Variants in LRRC9 observed in about 807,000 individuals in gnomAD.
The protein encoded by LRRC9 is leucine-rich repeat-containing protein 9.
In LRRC9, 122 loss-of-function variants were observed where a neutral mutation model predicts 63.2. The observed-to-expected ratio is 1.93, with a 90% CI of 1.67 to 2.24. The LOEUF is 2.24. LRRC9 is among the 30% of genes most tolerant of loss of function. LRRC9 has a pLI of 0.00. For missense variants in LRRC9, 1,071 were observed against 627.7 expected, an observed-to-expected ratio of 1.71 and a Z score of -7.55; for synonymous variants, 366 against 213.1, an observed-to-expected ratio of 1.72 and a Z score of -6.25.
In LRRC9 at chr14:59,999,100, G is replaced by A. The variant is rs981761208; in HGVS notation, c.2404-1G>A. 16 of 650,868 alleles carry A rather than the reference G, an allele frequency of 2.5e-5. No individual in the cohort carries two copies. The African/African-American group carries it at 2.8e-4, about 11-fold the overall frequency. The allele number at this position is 650,868 out of a possible 1,614,324, so 40.3% of individuals were successfully genotyped here. On this transcript the variant is annotated splice_acceptor_variant, in intron 18 of 31. Transcript: ENST00000445360. LOFTEE classifies it high-confidence loss of function. ...AAAATTTTTTTTTTGTTTTTCCCAA[G>A]CCAGCCACATTGAGGCTGAGTGTTA...
At chr14:59,937,976 G>C (rs1472301304) in intron 6 of LRRC9, among the ~76,000 whole-genome samples, 3 of 152,140 alleles carry the variant, frequency 2.0e-5, no homozygotes, top group Admixed American at 6.6e-5. Context: ...AGATCTGGAG[G>C]CAGCGAGGAT....
chr14:60,046,393 T>C (rs1158603840), intron 29 of LRRC9, among the ~76,000 whole-genome samples: 1 of 152,226 alleles, frequency 6.6e-6, no homozygotes, highest in Non-Finnish European at 1.5e-5. Context: ...TCCAGGGTTT[T>C]TATAGTTTTG....
At chr14:59,944,886 A>T (rs1054035883) in intron 8 of LRRC9, 142 bp downstream of exon 8, 7 of 411,018 alleles carry the variant, frequency 1.7e-5, no homozygotes, top group African/African-American at 1.2e-4. Context: ...ACACACACAC[A>T]TATGTAATTA....
intron 31 of LRRC9, among the ~76,000 whole-genome samples, chr14:60,062,751 T>G (rs1308789106): frequency 6.6e-6 from 1 of 152,178 alleles, no homozygotes; most frequent in Non-Finnish European, 1.5e-5. Flanking sequence ...TCCCAAGTAT[T>G]ACCTGTCCCC....
At chr14:60,014,825 T>C (rs1300816934) in intron 23 of LRRC9, among the ~76,000 whole-genome samples, 2 of 152,160 alleles carry the variant, frequency 1.3e-5, no homozygotes, top group African/African-American at 4.8e-5. Flanking sequence ...GGAAGATTTT[T>C]GGTTATAACT....
intron 17 of LRRC9, among the ~76,000 whole-genome samples, 192 bp downstream of exon 17, chr14:59,985,416 TGTG>T (rs965396499): frequency 6.6e-6 from 1 of 152,202 alleles, no homozygotes; most frequent in African/African-American, 2.4e-5. Flanking sequence ...TTAATTTGAT[TGTG>T]GTAATCATTA....
chr14:59,965,882 CAAAAAAAAAAAAAAAAAAAAA>C (rs71111678), intron 10 of LRRC9, among the ~76,000 whole-genome samples: 32 of 29,238 alleles, frequency 1.1e-3, no homozygotes, highest in South Asian at 5.9e-3. Flanking sequence ...GACTCCGCCT[CAAAAAAAAAAAAAAAAAAAAA>C]AAAAAAAAAA....
intron 22 of LRRC9, among the ~76,000 whole-genome samples, 166 bp from the exon 23 acceptor site, chr14:60,007,926 C>T (rs550026359): frequency 4.9e-4 from 59 of 121,568 alleles, no homozygotes; most frequent in African/African-American, 1.6e-3. Flanking sequence ...AGCAACAGCA[C>T]GAGACCATGT....
At chr14:59,980,779 C>T (rs1176934922) in intron 15 of LRRC9, among the ~76,000 whole-genome samples, 1 of 152,126 alleles carries the variant, frequency 6.6e-6, no homozygotes, top group Non-Finnish European at 1.5e-5. Context: ...GCAAAAGATA[C>T]AGAAACCCAG....
At chr14:59,992,454 T>C (rs953123836) in intron 17 of LRRC9, among the ~76,000 whole-genome samples, 1 of 152,136 alleles carries the variant, frequency 6.6e-6, no homozygotes, top group African/African-American at 2.4e-5. Flanking sequence ...GGAACAAAGC[T>C]GGACGGAGAA....
chr14:60,047,328 T>C lies in LRRC9; in HGVS notation c.3991-5737T>C, dbSNP rs572893532. Among the ~76,000 whole-genome samples the C allele has an allele frequency of 2.0e-5, 3 of 152,226 alleles. No individual in the cohort carries two copies. In the South Asian group the frequency reaches 6.2e-4, roughly 32 times the overall value. On this transcript the variant is annotated intron_variant, in intron 29 of 31. Transcript: ENST00000445360. ...GGTGTGGTGAGAGACTGAAGGAGGATAGAGACATGACAACTTGTCTTATGC... is the reference window on the plus strand; with the variant it reads ...GGTGTGGTGAGAGACTGAAGGAGGACAGAGACATGACAACTTGTCTTATGC...
chr14:59,929,414 C>CA (rs200248895), intron 3 of LRRC9, among the ~76,000 whole-genome samples: 55,003 of 148,448 alleles, frequency 0.37, 10,475 homozygotes, highest in East Asian at 0.62. Context: ...ATTAAAAAGT[C>CA]AAAAAAAAAA....
chr14:60,022,710 C>T, intron 26 of LRRC9, 24 bp from the exon 27 acceptor site: 3 of 565,400 alleles, frequency 5.3e-6, no homozygotes, highest in South Asian at 2.4e-5. Context: ...AGTTTATGGC[C>T]TCAAACTTAC....
chr14:59,933,201 A>G (rs1889852551), intron 6 of LRRC9, among the ~76,000 whole-genome samples: 1 of 152,112 alleles, frequency 6.6e-6, no homozygotes, highest in Admixed American at 6.6e-5. Flanking sequence ...TAATAGGAAA[A>G]CCGTCACAAC....
At chr14:59,935,405 A>G (rs1890062089) in intron 6 of LRRC9, among the ~76,000 whole-genome samples, 1 of 152,202 alleles carries the variant, frequency 6.6e-6, no homozygotes, top group Non-Finnish European at 1.5e-5. Context: ...TAAGATGGGC[A>G]TTTATACGAC....
In LRRC9 at chr14:59,926,785, G is replaced by A. The variant is rs140414136; in HGVS notation, c.-33-1126G>A. 3.4e-3 allele frequency among the ~76,000 whole-genome samples: 510 copies of A among 152,198 alleles called. 3 individuals are homozygous for A. Among genetic ancestry groups the A allele is most frequent in the African/African-American group, 0.012 (496 of 41,530 alleles). Reference sequence around the variant, plus strand: ...CTCACTTATGTTGCAAATAACAGTAGTTGTTTCTTTCTCATTCCACTTTTA... The same window carrying A: ...CTCACTTATGTTGCAAATAACAGTAATTGTTTCTTTCTCATTCCACTTTTA... On this transcript the variant is annotated intron_variant, in intron 1 of 31. Transcript: ENST00000445360.
intron 16 of LRRC9, among the ~76,000 whole-genome samples, chr14:59,983,567 T>G (rs1887160526): frequency 6.6e-6 from 1 of 152,176 alleles, no homozygotes. Flanking sequence ...TGTTTACATC[T>G]TCCAGAGAGA....
chr14:59,951,112 C>A (rs1377118004), intron 8 of LRRC9, among the ~76,000 whole-genome samples: 1 of 63,100 alleles, frequency 1.6e-5, no homozygotes, highest in African/African-American at 8.6e-5. Flanking sequence ...TGGTTCCATT[C>A]TCCGCATCAC....
rs978065915 is a variant in LRRC9 at position 60,027,549 on chromosome 14, C to T, written c.3704-335C>T. On this transcript the variant is annotated intron_variant, in intron 27 of 31. Coordinates refer to ENST00000445360, the Ensembl canonical transcript of LRRC9. This position sits in a 1 kb window ranked among gnomAD's most constrained non-coding sequence, Gnocchi z 4.0. ...TTAGAGTACTAATATACTCAGGAAG[C>T]GTATCTTCTGCAGCAGTCTTCTATA... is the stretch of plus-strand genomic sequence containing the variant. Among the ~76,000 whole-genome samples the T allele has an allele frequency of 3.3e-5, 5 of 151,896 alleles. No homozygotes were observed. Among genetic ancestry groups the T allele is most frequent in the Admixed American group, 1.3e-4 (2 of 15,232 alleles).
Sources: gnomAD v4.1 joint callset for allele counts (sites outside exome capture counted in the v4.1 genomes callset) on GRCh38, gnomAD v4.1.1 for gene constraint, Gnocchi (gnomAD v3.1) non-coding constraint, MANE v1.5 for transcripts, NCBI Gene and HGNC (gene_info 2026-07-23, HGNC 2026-07-21) for gene names.